Variants in SLC2A13 observed in about 807,000 individuals in gnomAD.
The protein encoded by SLC2A13 is proton myo-inositol cotransporter.
Under a neutral mutation model 64.4 loss-of-function variants are expected in SLC2A13, and 32 were observed. The ratio of observed to expected loss-of-function variants is 0.50; its 90% CI spans 0.37 to 0.67. SLC2A13 has a LOEUF of 0.67. SLC2A13 is among the 30% of genes least tolerant of loss of function. The pLI, the probability that SLC2A13 is intolerant of heterozygous loss-of-function variation, is 0.00. For synonymous variants in SLC2A13, 338 were observed against 327.1 expected, an observed-to-expected ratio of 1.03 and a Z score of -0.36; for missense variants, 743 against 829.2, an observed-to-expected ratio of 0.90 and a Z score of 1.28.
At chr12:40,074,973 G>A (rs1030078509) in intron 1 of SLC2A13, among the ~76,000 whole-genome samples, 1 of 152,118 alleles carries the variant, frequency 6.6e-6, no homozygotes. Flanking sequence ...TCAAATAAAA[G>A]GCTAGAGAGA....
rs527383819 is a variant in SLC2A13, at chr12:40,084,947, C to T, written c.556+20306G>A. ...GGATTAGATGGTTGGGACCCCCAAC[C>T]TACAAGGGGAGAGAAGCTGAAGGTT... On this transcript the variant is annotated intron_variant, in intron 1 of 9. Coordinates refer to ENST00000280871, the MANE Select transcript of SLC2A13 (RefSeq NM_052885.4). 6.2e-3 allele frequency among the ~76,000 whole-genome samples: 945 copies of T among 152,240 alleles called. 2 individuals carry two copies. Among genetic ancestry groups the T allele is most frequent in the Middle Eastern group, 0.014 (4 of 294 alleles).
At chr12:39,854,393 T>A (rs1157279524) in intron 6 of SLC2A13, among the ~76,000 whole-genome samples, 1 of 152,212 alleles carries the variant, frequency 6.6e-6, no homozygotes, top group Non-Finnish European at 1.5e-5. Flanking sequence ...CTTAGAATTA[T>A]GCCCCCTCCA....
chr12:39,855,163 C>G (rs567935869), intron 6 of SLC2A13, among the ~76,000 whole-genome samples: 2 of 152,072 alleles, frequency 1.3e-5, no homozygotes, highest in African/African-American at 4.8e-5. Context: ...ATTAGACTTG[C>G]GGCTATATTT....
chr12:39,976,182 C>T (rs1299851824), intron 3 of SLC2A13, among the ~76,000 whole-genome samples: 1 of 152,202 alleles, frequency 6.6e-6, no homozygotes, highest in African/African-American at 2.4e-5. Flanking sequence ...ACATAGCTGC[C>T]CCCATAAACA....
intron 1 of SLC2A13, among the ~76,000 whole-genome samples, chr12:40,083,623 A>T (rs1270809486): frequency 6.6e-6 from 1 of 151,988 alleles, no homozygotes; most frequent in Non-Finnish European, 1.5e-5. Context: ...AGGATGGGGA[A>T]CTCCTCCCAT....
At position 40,028,479 on chromosome 12, in the gene SLC2A13, C is replaced by A; in HGVS notation, c.747G>T (p.Ala249=). Reference sequence around the variant, plus strand: ...AGAGAAAGCCAAAAAACTGTATAACCGCCGGAACTGCTGCAAGTCCCAACA... The same window carrying A: ...AGAGAAAGCCAAAAAACTGTATAACAGCCGGAACTGCTGCAAGTCCCAACA... ...RYMLGLAAVP[A]VIQFFGFLFL... The change falls in exon 3 of 10, where the codon GCG becomes GCT. Residue 249 remains alanine, a synonymous_variant. Coordinates refer to ENST00000280871, the MANE Select transcript of SLC2A13 (RefSeq NM_052885.4). The A allele has an allele frequency of 6.2e-7, 1 of 1,613,910 alleles. No individual in the cohort carries two copies. The highest frequency in any genetic ancestry group is 2.2e-5 in the East Asian group (1 of 44,876).
intron 7 of SLC2A13, among the ~76,000 whole-genome samples, chr12:39,775,535 T>C (rs1259158369): frequency 1.3e-5 from 2 of 152,220 alleles, no homozygotes; most frequent in African/African-American, 2.4e-5. Context: ...AAGAAAATGT[T>C]TAGACTCTAT....
chr12:39,879,586 C>G (rs1270005170), intron 4 of SLC2A13, among the ~76,000 whole-genome samples: 1 of 152,146 alleles, frequency 6.6e-6, no homozygotes, highest in Non-Finnish European at 1.5e-5. Flanking sequence ...GGGGCCTGTA[C>G]CCCCTTTCTT....
chr12:39,792,271 C>T (rs1941429650), intron 7 of SLC2A13, among the ~76,000 whole-genome samples: 1 of 145,210 alleles, frequency 6.9e-6, no homozygotes, highest in Non-Finnish European at 1.5e-5. Context: ...CCATAAAAAC[C>T]CTAGAAGAAA....
intron 3 of SLC2A13, among the ~76,000 whole-genome samples, chr12:40,015,389 T>C (rs139064412): frequency 2.0e-5 from 3 of 152,358 alleles, no homozygotes; most frequent in African/African-American, 4.8e-5. Context: ...AACAAGCCTC[T>C]GACATCAAGA....
chr12:40,057,857 C>G (rs1191871358), intron 1 of SLC2A13, among the ~76,000 whole-genome samples: 1 of 152,072 alleles, frequency 6.6e-6, no homozygotes, highest in African/African-American at 2.4e-5. Context: ...TACCAAAGAT[C>G]TCTGTTAATT....
intron 2 of SLC2A13, among the ~76,000 whole-genome samples, chr12:40,036,255 T>C (rs922564007): frequency 2.0e-5 from 3 of 152,224 alleles, no homozygotes; most frequent in African/African-American, 4.8e-5. Flanking sequence ...ATTTATGTTA[T>C]TCATTGGTCA....
intron 6 of SLC2A13, among the ~76,000 whole-genome samples, chr12:39,864,405 A>G (rs1943848019): frequency 6.6e-6 from 1 of 152,232 alleles, no homozygotes; most frequent in African/African-American, 2.4e-5. Flanking sequence ...ATTACTGATT[A>G]AAGTTATTTA....
intron 3 of SLC2A13, among the ~76,000 whole-genome samples, chr12:39,992,885 TG>T (rs1471014668): frequency 6.6e-6 from 1 of 152,238 alleles, no homozygotes; most frequent in Non-Finnish European, 1.5e-5. Context: ...ACAGAAAAAC[TG>T]GGGCTGTGTC....
chr12:39,765,132 T>C (rs567790953), intron 7 of SLC2A13, among the ~76,000 whole-genome samples: 1 of 152,216 alleles, frequency 6.6e-6, no homozygotes, highest in African/African-American at 2.4e-5. Context: ...CCCTGGAAGC[T>C]GCAGTAACAC....
At chr12:39,934,293 T>G (rs1945881793) in intron 4 of SLC2A13, among the ~76,000 whole-genome samples, 1 of 152,236 alleles carries the variant, frequency 6.6e-6, no homozygotes, top group African/African-American at 2.4e-5. Flanking sequence ...TTGTCAGCTT[T>G]CTTTTCAACC....
chr12:39,835,214 C>T (rs1222625057), intron 6 of SLC2A13, among the ~76,000 whole-genome samples: 1 of 152,006 alleles, frequency 6.6e-6, no homozygotes, highest in African/African-American at 2.4e-5. Flanking sequence ...GGTCTAAATT[C>T]TAGACTTCAA....
intron 6 of SLC2A13, among the ~76,000 whole-genome samples, chr12:39,832,911 A>C (rs938274453): frequency 4.6e-5 from 7 of 152,150 alleles, no homozygotes; most frequent in Admixed American, 4.6e-4. Context: ...ACTATAGAGC[A>C]GATGAGTAGC....
chr12:40,030,653 C>T (rs1947889512), intron 2 of SLC2A13, among the ~76,000 whole-genome samples: 1 of 151,838 alleles, frequency 6.6e-6, no homozygotes. Context: ...AAGATGCTCA[C>T]ATAATATTTT....
Sources: allele counts gnomAD v4.1 joint callset (sites outside exome capture counted in the v4.1 genomes callset), GRCh38; gene constraint gnomAD v4.1.1; transcripts MANE v1.5; gene names NCBI Gene and HGNC (gene_info 2026-07-23, HGNC 2026-07-21).